SULF2: variants seen among roughly 807,000 people sequenced by gnomAD.
SULF2 encodes the protein sulfatase 2, also known as extracellular sulfatase Sulf-2.
Under a neutral mutation model 107.7 loss-of-function variants are expected in SULF2, and 52 were observed. The ratio of observed to expected loss-of-function variants is 0.48; its 90% confidence interval spans 0.39 to 0.61. SULF2 has a LOEUF of 0.61. SULF2 is among the 20% of genes least tolerant of loss of function. The probability of loss-of-function intolerance (pLI) is 0.00; values close to 1 mark genes in which losing one functional copy is unlikely to be tolerated. For synonymous variants in SULF2, 460 were observed against 464.3 expected, an observed-to-expected ratio of 0.99 and a Z score of 0.12; for missense variants, 993 against 1,177.3, an observed-to-expected ratio of 0.84 and a Z score of 2.29.
At chr20:47,735,492 G>C (rs942567140) in intron 3 of SULF2, among the ~76,000 whole-genome samples, 1 of 152,184 alleles carries the variant, frequency 6.6e-6, no homozygotes, top group African/African-American at 2.4e-5. Flanking sequence ...CCACTGCTGT[G>C]CTGCGGGCCT....
Position 47,702,560 on chromosome 20 carries a change from G to A in SULF2, c.526C>T (p.Arg176Trp), listed in dbSNP as rs1307958275. The stretch of plus-strand genomic sequence containing the variant: ...CCGTGCTTCTCTTTCACCCCGTTCC[G>A]ACACAGCGTGTAGTTATAAAAGCGG... ...NSRFYNYTLC[R>W]NGVKEKHGSD... Residue 176 changes from arginine to tryptophan, a missense_variant, in exon 4 of 21, where the codon CGG becomes TGG. Arg to Trp is a moderately radical substitution (Grantham distance 101, BLOSUM62 -3). Transcript: ENST00000688720. 52 of 1,613,028 alleles carry A rather than the reference G, an allele frequency of 3.2e-5. No individual in the cohort carries two copies. Among genetic ancestry groups the A allele is most frequent in the Non-Finnish European group, 3.9e-5 (46 of 1,180,028 alleles).
chr20:47,717,675 C>T (rs570600603), intron 3 of SULF2, among the ~76,000 whole-genome samples: 76 of 152,288 alleles, frequency 5.0e-4, no homozygotes, highest in African/African-American at 1.7e-3. Flanking sequence ...AGAATTCATC[C>T]GGCCGTGGGC....
At chr20:47,681,528 G>A (rs1017900458) in intron 7 of SULF2, among the ~76,000 whole-genome samples, 6 of 152,128 alleles carry the variant, frequency 3.9e-5, no homozygotes, top group African/African-American at 1.4e-4. Context: ...TCTGAGAGGC[G>A]TGGCAGATGG....
At chr20:47,661,642 C>T (rs1215994803) in intron 18 of SULF2, 131 bp downstream of exon 18, 2 of 981,008 alleles carry the variant, frequency 2.0e-6, no homozygotes, top group Non-Finnish European at 2.8e-6. Flanking sequence ...GCTCCCATGA[C>T]TCGTCTGGAA....
intron 1 of SULF2, among the ~76,000 whole-genome samples, chr20:47,761,978 C>T (rs1249018149): frequency 6.6e-6 from 1 of 152,160 alleles, no homozygotes; most frequent in Admixed American, 6.5e-5. Flanking sequence ...TAAAGGGTTT[C>T]CCCTTTTGCT....
intron 5 of SULF2, among the ~76,000 whole-genome samples, chr20:47,687,243 CA>C (rs2088038012): frequency 1.3e-5 from 2 of 152,120 alleles, no homozygotes; most frequent in African/African-American, 4.8e-5. Flanking sequence ...CAGAAGGCAG[CA>C]GAGCCGGGTG....
At chr20:47,748,260 C>T (rs1221515964) in intron 2 of SULF2, among the ~76,000 whole-genome samples, 3 of 152,218 alleles carry the variant, frequency 2.0e-5, no homozygotes, top group Admixed American at 6.5e-5. Context: ...GTTCCTGCCA[C>T]AGGGCTCTTG....
At chr20:47,718,645 G>A (rs561949587) in intron 3 of SULF2, among the ~76,000 whole-genome samples, 2 of 152,296 alleles carry the variant, frequency 1.3e-5, no homozygotes, top group East Asian at 3.9e-4. Flanking sequence ...TGGAACCAAT[G>A]GGATTTGCTG....
chr20:47,699,831 C>G (rs1246262882), intron 4 of SULF2, among the ~76,000 whole-genome samples: 2 of 152,220 alleles, frequency 1.3e-5, no homozygotes, highest in Non-Finnish European at 2.9e-5. Flanking sequence ...TCTGGGCCCA[C>G]AGTTCTACCT....
intron 1 of SULF2, among the ~76,000 whole-genome samples, chr20:47,785,075 C>G (rs1174020394): frequency 6.6e-6 from 1 of 152,058 alleles, no homozygotes; most frequent in Non-Finnish European, 1.5e-5. Context: ...GTCAGGGGCG[C>G]GGCGGGAAGT....
intron 2 of SULF2, among the ~76,000 whole-genome samples, chr20:47,743,814 ACCT>A (rs1321730109): frequency 6.6e-6 from 1 of 151,560 alleles, no homozygotes; most frequent in African/African-American, 2.4e-5. Context: ...AGTCACATTG[ACCT>A]CCTCCTTGTT....
In SULF2 at chr20:47,680,054, T is replaced by C. The variant is rs2087773576; in HGVS notation, c.1065-1250A>G. ...TTATACCCTTAGAACACAGAGGAGC[T>C]ACTCAGTAAATATTGGCTAAGTGAA... On this transcript the variant is annotated intron_variant, in intron 7 of 20. Transcript: ENST00000688720. This position sits in a 1 kb window ranked among gnomAD's most constrained non-coding sequence, Gnocchi z 4.2. Among the ~76,000 whole-genome samples, 1 of 152,218 alleles carries C rather than the reference T, an allele frequency of 6.6e-6. No individual in the cohort carries two copies. The highest frequency in any genetic ancestry group is 2.4e-5 in the African/African-American group (1 of 41,460).
intron 1 of SULF2, among the ~76,000 whole-genome samples, chr20:47,776,445 C>T (rs921217216): frequency 6.6e-6 from 1 of 152,160 alleles, no homozygotes; most frequent in Non-Finnish European, 1.5e-5. Flanking sequence ...TTCACAGGAG[C>T]GCGCACTTAA....
Position 47,665,717 on chromosome 20 carries a change from G to C in SULF2, c.1902+140C>G, listed in dbSNP as rs574013474. On this transcript the variant is annotated intron_variant, in intron 13 of 20. Coordinates refer to ENST00000688720, the MANE Select transcript of SULF2 (RefSeq NM_001387048.1). ...TGCTGGGACTGACACCTATCCCCGCGTTGAGGAATCTGTGGGGACCTCACT... is the reference window on the plus strand; with the variant it reads ...TGCTGGGACTGACACCTATCCCCGCCTTGAGGAATCTGTGGGGACCTCACT... 2.2e-5 allele frequency: 15 copies of C among 684,258 alleles called. No individual in the cohort carries two copies. In the South Asian group the frequency reaches 2.6e-4, roughly 12 times the overall value. 42.4% of individuals were successfully genotyped at this position (684,258 alleles called of 1,614,324 possible).
At chr20:47,754,603 C>T (rs536175080) in intron 2 of SULF2, among the ~76,000 whole-genome samples, 4 of 152,296 alleles carry the variant, frequency 2.6e-5, no homozygotes, top group African/African-American at 4.8e-5. Context: ...CTGACACAGG[C>T]CACTGAACAC....
chr20:47,665,073 A>G (rs2087215647), intron 14 of SULF2, 126 bp downstream of exon 14: 1 of 726,594 alleles, frequency 1.4e-6, no homozygotes, highest in East Asian at 2.5e-5. Context: ...GGATTTTTTT[A>G]ATGCCATGAG....
At chr20:47,686,858 CTTCCT>C (rs1191869978) in intron 5 of SULF2, among the ~76,000 whole-genome samples, 2 of 152,188 alleles carry the variant, frequency 1.3e-5, no homozygotes, top group Admixed American at 6.5e-5. Context: ...AGGGCCCATG[CTTCCT>C]TTCATTACAG....
In SULF2 at chr20:47,733,590, T is replaced by C. The variant is rs139436160; in HGVS notation, c.415+3113A>G. On this transcript the variant is annotated intron_variant, in intron 3 of 20. Coordinates refer to ENST00000688720, the MANE Select transcript of SULF2 (RefSeq NM_001387048.1). ...GAGTTTGAGACCAGCTTGGCCAACA[T>C]GGCAAAACCCCATCTCTACAAAAAA... is the stretch of plus-strand genomic sequence containing the variant. 5.9e-5 allele frequency among the ~76,000 whole-genome samples: 9 copies of C among 152,292 alleles called. No individual in the cohort carries two copies. The East Asian group carries it at 7.7e-4, about 13-fold the overall frequency.
intron 3 of SULF2, among the ~76,000 whole-genome samples, chr20:47,731,010 T>A (rs1332505538): frequency 6.6e-6 from 1 of 151,966 alleles, no homozygotes; most frequent in Non-Finnish European, 1.5e-5. Context: ...TCAGAAGGGA[T>A]CTCATGCCTT....
Sources: gnomAD v4.1 joint callset for allele counts (sites outside exome capture counted in the v4.1 genomes callset) on GRCh38, gnomAD v4.1.1 for gene constraint, Gnocchi (gnomAD v3.1) non-coding constraint, MANE v1.5 for transcripts, NCBI Gene and HGNC (gene_info 2026-07-23, HGNC 2026-07-21) for gene names.